Variants in MTURN observed in about 807,000 individuals in gnomAD.
MTURN encodes maturin, neural progenitor differentiation regulator homolog.
MTURN carries 7 observed loss-of-function variants against 14.9 expected under a neutral mutation model. The ratio of observed to expected loss-of-function variants is 0.47; its 90% CI spans 0.27 to 0.88. MTURN has a LOEUF of 0.88. Ranked by LOEUF, MTURN falls within the 40% of genes least tolerant of loss-of-function variation. MTURN has a pLI of 0.14. For missense variants in MTURN, 151 were observed against 174.1 expected (o/e 0.87, Z 0.75); for synonymous variants, 69 against 72.5 (o/e 0.95, Z 0.25).
intron 1 of MTURN, among the ~76,000 whole-genome samples, chr7:30,139,304 C>CT (rs1443119238): frequency 6.6e-6 from 1 of 152,218 alleles, no homozygotes; most frequent in Non-Finnish European, 1.5e-5. Flanking sequence ...ACTCATTTAA[C>CT]TTTAGTACTC....
In MTURN at chr7:30,158,508, A is replaced by T. The variant is rs575000432; in HGVS notation, c.*960A>T. On this transcript the variant is annotated 3_prime_UTR_variant, in exon 3 of 3. Coordinates refer to ENST00000324453, the MANE Select transcript of MTURN (RefSeq NM_152793.3). Reference sequence around the variant, plus strand: ...TCTTTACTTTTTAAGTCTTTTATTTAAAAAAAAAAAGTCAAAAAAAGGATT... The same window carrying T: ...TCTTTACTTTTTAAGTCTTTTATTTTAAAAAAAAAAGTCAAAAAAAGGATT... The T allele has an allele frequency of 7.6e-5, 5 of 66,144 alleles. No homozygotes were observed. In the East Asian group the frequency reaches 1.0e-3, roughly 13 times the overall value. The allele number at this position is 66,144 out of a possible 1,614,324, so 4.1% of individuals were successfully genotyped here. A position where few individuals can be genotyped will look rare whatever the true frequency, so the allele number is the denominator to read the frequency against.
intron 2 of MTURN, among the ~76,000 whole-genome samples, chr7:30,155,749 A>G (rs1199745149): frequency 1.3e-5 from 2 of 152,182 alleles, no homozygotes; most frequent in East Asian, 1.9e-4. Context: ...TTTGTCCTGA[A>G]TGTGTTCATA....
chr7:30,155,862 G>T (rs559111456), intron 2 of MTURN, among the ~76,000 whole-genome samples: 1 of 152,316 alleles, frequency 6.6e-6, no homozygotes, highest in African/African-American at 2.4e-5. Context: ...AGCCGTGGAG[G>T]GAGTGAGAGA....
rs1166868260 is a variant in MTURN, at chr7:30,135,187, G to T, written c.51G>T (p.Thr17=). 1 of 1,497,040 alleles carries T rather than the reference G, an allele frequency of 6.7e-7. No individual in the cohort carries two copies. The highest frequency in any genetic ancestry group is 8.9e-7 in the Non-Finnish European group (1 of 1,120,224). 92.7% of individuals were successfully genotyped at this position (1,497,040 alleles called of 1,614,324 possible). The change falls in exon 1 of 3, where the codon ACG becomes ACT. Residue 17 remains threonine, a synonymous_variant. Coordinates refer to ENST00000324453, the MANE Select transcript of MTURN (RefSeq NM_152793.3). The part of the protein sequence containing the change: ...ADVAEKWCSN[T]PFELIATEET... ...TTGCGGAGAAATGGTGCTCCAACAC[G>T]CCCTTCGAGCTCATCGCCACCGAGG...
At position 30,162,240 on chromosome 7, in the gene MTURN, CCT is replaced by C. The variant is rs1797385732; in HGVS notation, c.*4693_*4694del. On this transcript the variant is annotated 3_prime_UTR_variant, in exon 3 of 3. Coordinates refer to ENST00000324453, the MANE Select transcript of MTURN (RefSeq NM_152793.3). ...GTCTGTTCTTTGTAAACTGCCTTTC[CCT>C]GTTTTTCTGTTTTGTTTTGTTTCTC... is the stretch of plus-strand genomic sequence containing the variant. 1 of 152,088 alleles carries C rather than the reference CCT, an allele frequency of 6.6e-6. No homozygotes were observed. The highest frequency in any genetic ancestry group is 6.6e-5 in the Admixed American group (1 of 15,256). The allele number at this position is 152,088 out of a possible 1,614,324, so 9.4% of individuals were successfully genotyped here. A position where few individuals can be genotyped will look rare whatever the true frequency, so the allele number is the denominator to read the frequency against.
chr7:30,137,942 A>G (rs1796990876), intron 1 of MTURN, among the ~76,000 whole-genome samples: 1 of 152,096 alleles, frequency 6.6e-6, no homozygotes, highest in African/African-American at 2.4e-5. Context: ...GCTATCTAGA[A>G]TACAAATAGG....
intron 1 of MTURN, among the ~76,000 whole-genome samples, chr7:30,135,549 G>T (rs1796936454): frequency 6.6e-6 from 1 of 151,922 alleles, no homozygotes; most frequent in Admixed American, 6.6e-5. Flanking sequence ...GGGGCGGGAG[G>T]TGTGGCGTCC....
chr7:30,139,896 C>G (rs1797022505), intron 1 of MTURN, among the ~76,000 whole-genome samples: 1 of 152,160 alleles, frequency 6.6e-6, no homozygotes, highest in African/African-American at 2.4e-5. Context: ...TGCTAGTGCC[C>G]TGTGTGTGGA....
At chr7:30,140,945 A>G (rs1797041176) in intron 1 of MTURN, 1 of 152,182 alleles carries the variant, frequency 6.6e-6, no homozygotes, top group Non-Finnish European at 1.5e-5. Flanking sequence ...CCGGTTAAAC[A>G]TTGCGCACAG....
At chr7:30,135,958 G>A (rs535581346) in intron 1 of MTURN, among the ~76,000 whole-genome samples, 1 of 150,614 alleles carries the variant, frequency 6.6e-6, no homozygotes, top group South Asian at 2.1e-4. Context: ...GCGCGCCTGC[G>A]CATACACCCC....
intron 1 of MTURN, among the ~76,000 whole-genome samples, chr7:30,141,916 T>A (rs1797058100): frequency 6.6e-6 from 1 of 151,988 alleles, no homozygotes; most frequent in Non-Finnish European, 1.5e-5. Context: ...CCAGTAAGAG[T>A]GAGTCCCAGA....
Position 30,145,249 on chromosome 7 carries a change from G to A in MTURN, c.163-928G>A, listed in dbSNP as rs542382404. Among the ~76,000 whole-genome samples the A allele has an allele frequency of 7.9e-5, 12 of 152,230 alleles. No homozygotes were observed. The South Asian group carries it at 2.3e-3, about 29-fold the overall frequency. On this transcript the variant is annotated intron_variant, in intron 1 of 2. Coordinates refer to ENST00000324453, the MANE Select transcript of MTURN (RefSeq NM_152793.3). ...ACCTAGACTGGGCATGGTGGCTCAC[G>A]CCTGTAGTCCCAGCAATTTGGGAGG...
rs1173193818 is a variant in MTURN at position 30,159,647 on chromosome 7, T to C, written c.*2099T>C. The C allele has an allele frequency of 6.5e-6, 1 of 152,700 alleles. No homozygotes were observed. Among genetic ancestry groups the C allele is most frequent in the Non-Finnish European group, 1.5e-5 (1 of 68,046 alleles). 9.5% of individuals were successfully genotyped at this position (152,700 alleles called of 1,614,324 possible). A position where few individuals can be genotyped will look rare whatever the true frequency, so the allele number is the denominator to read the frequency against. ...CCATTCTGTGGGCTGATGAGAATTC[T>C]GGGCTTTGTTTTGCACCAGGGGTAG... On this transcript the variant is annotated 3_prime_UTR_variant, in exon 3 of 3. Coordinates refer to ENST00000324453, the MANE Select transcript of MTURN (RefSeq NM_152793.3).
Position 30,137,943 on chromosome 7 carries a change from T to C in MTURN, c.162+2645T>C, listed in dbSNP as rs574208210. On this transcript the variant is annotated intron_variant, in intron 1 of 2. Transcript: ENST00000324453. ...TGTGCCAGGCCAGTGCTATCTAGAA[T>C]ACAAATAGGGTCTCTGCCTTCATGT... Among the ~76,000 whole-genome samples the C allele has an allele frequency of 5.3e-5, 8 of 152,232 alleles. No individual in the cohort carries two copies. In the East Asian group the frequency reaches 1.5e-3, roughly 29 times the overall value.
At chr7:30,135,376 C>CGCGGTGGGCG (rs1465857509) in intron 1 of MTURN, 78 bp downstream of exon 1, 2 of 1,334,902 alleles carry the variant, frequency 1.5e-6, no homozygotes, top group Non-Finnish European at 2.0e-6. Flanking sequence ...CGAGCTCCCG[C>CGCGGTGGGCG]GCGGTGGGCG....
At position 30,145,859 on chromosome 7, in the gene MTURN, G is replaced by A. The variant is rs1425983241; in HGVS notation, c.163-318G>A. The A allele has an allele frequency of 9.7e-6, 15 of 1,550,150 alleles. No homozygotes were observed. In the Middle Eastern group the frequency reaches 8.3e-4, roughly 86 times the overall value. On this transcript the variant is annotated intron_variant, in intron 1 of 2. Transcript: ENST00000324453. The stretch of plus-strand genomic sequence containing the variant: ...TCCCCATGTCTGAAAACCGCCCTTA[G>A]CCTGCACAAGGTGAACAGTGGAAAT...
At chr7:30,140,133 G>A (rs1797026259) in intron 1 of MTURN, among the ~76,000 whole-genome samples, 1 of 152,078 alleles carries the variant, frequency 6.6e-6, no homozygotes, top group Admixed American at 6.5e-5. Context: ...CTTAGGCCAC[G>A]AGAAATGAGG....
At chr7:30,155,699 G>A (rs1797277120) in intron 2 of MTURN, among the ~76,000 whole-genome samples, 1 of 152,220 alleles carries the variant, frequency 6.6e-6, no homozygotes, top group Non-Finnish European at 1.5e-5. Flanking sequence ...GCCTTGGCAA[G>A]CCACAGGCAG....
Position 30,139,821 on chromosome 7 carries a change from A to G in MTURN, c.162+4523A>G, listed in dbSNP as rs575338695. 2.6e-5 allele frequency among the ~76,000 whole-genome samples: 4 copies of G among 151,802 alleles called. 1 individual carries two copies. Among genetic ancestry groups the G allele is most frequent in the Admixed American group, 2.6e-4 (4 of 15,256 alleles). On this transcript the variant is annotated intron_variant, in intron 1 of 2. Coordinates refer to ENST00000324453, the MANE Select transcript of MTURN (RefSeq NM_152793.3). ...TCCCATCCATGCCGACCCTTTCCAAACTGTCCCTCTACCTGGGACCCCTCT... is the reference window on the plus strand; with the variant it reads ...TCCCATCCATGCCGACCCTTTCCAAGCTGTCCCTCTACCTGGGACCCCTCT...
Sources: allele counts gnomAD v4.1 joint callset (sites outside exome capture counted in the v4.1 genomes callset), GRCh38; gene constraint gnomAD v4.1.1; transcripts MANE v1.5; gene names NCBI Gene and HGNC (gene_info 2026-07-23, HGNC 2026-07-21).